Variants in VPS53 observed in about 807,000 individuals in gnomAD.
VPS53 encodes the protein vacuolar protein sorting-associated protein 53 homolog.
Under a neutral mutation model 107.0 loss-of-function variants are expected in VPS53, and 70 were observed. That is an observed-to-expected ratio of 0.65 (90% confidence interval 0.54 to 0.80). The LOEUF is 0.80. Ranked by LOEUF, VPS53 falls within the 30% of genes least tolerant of loss-of-function variation. The probability of loss-of-function intolerance (pLI) is 0.00; values close to 1 mark genes in which losing one functional copy is unlikely to be tolerated. For missense variants in VPS53, 917 were observed against 1,049.4 expected (o/e 0.87, Z 1.74); for synonymous variants, 409 against 393.3 (o/e 1.04, Z -0.47).
At chr17:693,913 G>A (rs1311400143) in intron 4 of VPS53, among the ~76,000 whole-genome samples, 2 of 152,186 alleles carry the variant, frequency 1.3e-5, no homozygotes, top group Non-Finnish European at 2.9e-5. Context: ...AGAGGGGAAC[G>A]TGGGGCCTCT....
At chr17:660,378 C>T (rs1032317241) in intron 5 of VPS53, among the ~76,000 whole-genome samples, 1 of 152,216 alleles carries the variant, frequency 6.6e-6, no homozygotes, top group Non-Finnish European at 1.5e-5. Flanking sequence ...CACTTCTCCC[C>T]TCACTCCCAC....
chr17:663,110 G>A (rs557246194), intron 4 of VPS53, among the ~76,000 whole-genome samples: 2 of 152,218 alleles, frequency 1.3e-5, no homozygotes, highest in South Asian at 2.1e-4. Flanking sequence ...GGCTGAGGTG[G>A]GAAGATTACT....
intron 15 of VPS53, among the ~76,000 whole-genome samples, chr17:554,953 C>A (rs1175009945): frequency 6.6e-6 from 1 of 152,094 alleles, no homozygotes; most frequent in African/African-American, 2.4e-5. Context: ...TTAATGAGAG[C>A]CCGCTTTGTT....
rs769610281 is a variant in VPS53 at position 601,911 on chromosome 17, T to G, written c.1117-15A>C. The stretch of plus-strand genomic sequence containing the variant: ...TCAAGCTTTTTCTGTTAGGTAGATA[T>G]GAGAAAGAGAAGTGTTTTCTGAGCA... On this transcript the variant is annotated splice_polypyrimidine_tract_variant and intron_variant, in intron 11 of 21. Transcript: ENST00000437048. 1.2e-5 allele frequency: 19 copies of G among 1,551,384 alleles called. No individual in the cohort carries two copies. The South Asian group carries it at 2.3e-4, about 19-fold the overall frequency.
At chr17:562,407 T>G in intron 14 of VPS53, 96 bp downstream of exon 14, 1 of 1,543,892 alleles carries the variant, frequency 6.5e-7, no homozygotes, top group East Asian at 2.3e-5. Flanking sequence ...CTTGATACTC[T>G]TGGTGGTTTA....
chr17:515,956 C>CTTTTTTTTTTTT lies in VPS53; in HGVS notation c.*3160_*3171dup, dbSNP rs11361535. The CTTTTTTTTTTTT allele has an allele frequency of 2.7e-5, 3 of 109,590 alleles. No individual in the cohort carries two copies. The highest frequency in any genetic ancestry group is 8.3e-5 in the African/African-American group (2 of 24,120). The allele number at this position is 109,590 out of a possible 1,614,324, so 6.8% of individuals were successfully genotyped here. ...ATTACAGGCACCCGCCACCTGCCTG[C>CTTTTTTTTTTTT]TTTTTTTTTTTTTTTTTTTGTATTT... On this transcript the variant is annotated 3_prime_UTR_variant, in exon 22 of 22. Coordinates refer to ENST00000437048, the MANE Select transcript of VPS53 (RefSeq NM_001128159.3).
At chr17:566,117 T>C (rs1913479832) in intron 13 of VPS53, among the ~76,000 whole-genome samples, 1 of 141,048 alleles carries the variant, frequency 7.1e-6, no homozygotes, top group Non-Finnish European at 1.5e-5. Context: ...GGCAGGAGAA[T>C]GGCGTGAACC....
chr17:545,941 T>C (rs1465937137), intron 17 of VPS53, among the ~76,000 whole-genome samples: 1 of 152,228 alleles, frequency 6.6e-6, no homozygotes, highest in Non-Finnish European at 1.5e-5. Flanking sequence ...CTCATACTTC[T>C]TGATTTCAAA....
intron 11 of VPS53, among the ~76,000 whole-genome samples, chr17:613,485 TAGTG>T (rs1166801650): frequency 1.3e-5 from 2 of 150,470 alleles, no homozygotes; most frequent in Non-Finnish European, 3.0e-5. Context: ...AATATTCACA[TAGTG>T]AGTTCACACA....
At chr17:653,119 C>G (rs1971024321) in intron 7 of VPS53, 172 bp downstream of exon 7, 1 of 985,214 alleles carries the variant, frequency 1.0e-6, no homozygotes, top group Admixed American at 6.2e-5. Flanking sequence ...TTTCGGAAAG[C>G]TGCCGGATCT....
intron 12 of VPS53, among the ~76,000 whole-genome samples, chr17:587,056 T>C (rs1167125724): frequency 6.6e-6 from 1 of 151,868 alleles, no homozygotes; most frequent in African/African-American, 2.4e-5. Flanking sequence ...AAAAAACAAA[T>C]AAAGGGTTTT....
At chr17:598,475 G>A (rs1968106528) in intron 12 of VPS53, among the ~76,000 whole-genome samples, 1 of 151,706 alleles carries the variant, frequency 6.6e-6, no homozygotes, top group Non-Finnish European at 1.5e-5. Context: ...TGGAAAGTGA[G>A]GAGCGTCTCC....
At chr17:684,250 T>A (rs1972503728) in intron 4 of VPS53, among the ~76,000 whole-genome samples, 1 of 152,026 alleles carries the variant, frequency 6.6e-6, no homozygotes. Context: ...GCCAGAGTAA[T>A]AAGGCAAAAA....
intron 12 of VPS53, among the ~76,000 whole-genome samples, chr17:599,569 T>A (rs1358023684): frequency 1.3e-5 from 2 of 149,292 alleles, no homozygotes; most frequent in Non-Finnish European, 3.0e-5. Context: ...TCGTTAAGAG[T>A]CATCACCACT....
intron 7 of VPS53, among the ~76,000 whole-genome samples, chr17:645,878 G>A (rs907174028): frequency 1.5e-5 from 2 of 129,722 alleles, no homozygotes; most frequent in African/African-American, 5.3e-5. Flanking sequence ...CCGTGACCGC[G>A]TGGTCTCTGC....
rs116901741 is a variant in VPS53, at chr17:700,166, A to C, written c.169-786T>G. Among the ~76,000 whole-genome samples, 1,305 of 152,324 alleles carry C rather than the reference A, an allele frequency of 8.6e-3. 48 individuals carry two copies. In the East Asian group the frequency reaches 0.086, roughly 10 times the overall value. On this transcript the variant is annotated intron_variant, in intron 2 of 21. Coordinates refer to ENST00000437048, the MANE Select transcript of VPS53 (RefSeq NM_001128159.3). ...AAAGTCTGGAAGGATAGATAGGAGT[A>C]ATTGTAATGTATTAGTAGTTGCAGC... is the stretch of plus-strand genomic sequence containing the variant.
rs528213356 is a variant in VPS53, at chr17:617,114, G to C, written c.1116+6419C>G. On this transcript the variant is annotated intron_variant, in intron 11 of 21. Coordinates refer to ENST00000437048, the MANE Select transcript of VPS53 (RefSeq NM_001128159.3). ...TCTGGATTACCAGCTCACAGAGCCT[G>C]TCCTGATGCTCTCCGGACCCTGCCC... Among the ~76,000 whole-genome samples the C allele has an allele frequency of 1.0e-3, 153 of 152,310 alleles. 1 individual carries two copies. The highest frequency in any genetic ancestry group is 3.4e-3 in the African/African-American group (141 of 41,570).
intron 2 of VPS53, among the ~76,000 whole-genome samples, chr17:707,639 A>T (rs1973464380): frequency 2.6e-5 from 4 of 151,960 alleles, no homozygotes; most frequent in Admixed American, 2.6e-4. Context: ...ACATTAGCTC[A>T]GGAGTTCGAG....
chr17:656,700 ATGTGTGTGTGTG>A (rs34123743), intron 5 of VPS53: 10,640 of 554,610 alleles, frequency 0.019, 735 homozygotes, highest in African/African-American at 0.17. Context: ...TGACTAAGAA[ATGTGTGTGTGTG>A]TGTGTGTGTG....
Sources: allele counts gnomAD v4.1 joint callset (sites outside exome capture counted in the v4.1 genomes callset), GRCh38; gene constraint gnomAD v4.1.1; transcripts MANE v1.5; gene names NCBI Gene and HGNC (gene_info 2026-07-23, HGNC 2026-07-21).